Variants in ASRGL1 observed in about 807,000 individuals in gnomAD.
The protein encoded by ASRGL1 is isoaspartyl peptidase/L-asparaginase.
In ASRGL1, 16 loss-of-function variants were observed where a neutral mutation model predicts 22.4. The observed-to-expected ratio is 0.71, with a 90% CI of 0.48 to 1.08. ASRGL1 has a LOEUF of 1.08. Ranked by LOEUF, ASRGL1 falls within the 50% of genes least tolerant of loss-of-function variation. ASRGL1 has a pLI of 0.00. For synonymous variants in ASRGL1, 165 were observed against 159.3 expected (o/e 1.04, Z -0.27); for missense variants, 412 against 410.1 (o/e 1.00, Z -0.04).
chr11:62,376,312 T>C (rs980269181), intron 4 of ASRGL1, among the ~76,000 whole-genome samples: 19 of 152,158 alleles, frequency 1.2e-4, no homozygotes, highest in African/African-American at 4.3e-4. Context: ...TTGATGGTGC[T>C]CGATTGCAGT....
chr11:62,375,227 G>A (rs181677090), intron 4 of ASRGL1, among the ~76,000 whole-genome samples: 195 of 151,940 alleles, frequency 1.3e-3, no homozygotes, highest in South Asian at 4.4e-3. Flanking sequence ...ACAAAGAGTT[G>A]TGGGGGAAGG....
intron 4 of ASRGL1, among the ~76,000 whole-genome samples, chr11:62,362,423 T>G (rs960456460): frequency 3.0e-5 from 4 of 134,472 alleles, no homozygotes; most frequent in Non-Finnish European, 6.1e-5. Context: ...TAAATCTGAT[T>G]TCTATTAATA....
In ASRGL1 at chr11:62,348,567, G is replaced by C. The variant is rs565082747; in HGVS notation, c.191-7758G>C. Reference sequence around the variant, plus strand: ...AAAATACAAAAATTAGCTGGGCGTGGTGTCTCACGCCAGTAATCCCAGCTA... The same window carrying C: ...AAAATACAAAAATTAGCTGGGCGTGCTGTCTCACGCCAGTAATCCCAGCTA... On this transcript the variant is annotated intron_variant, in intron 2 of 6. Coordinates refer to ENST00000415229, the MANE Select transcript of ASRGL1 (RefSeq NM_001083926.2). 2.0e-3 allele frequency among the ~76,000 whole-genome samples: 299 copies of C among 152,158 alleles called. 2 individuals carry two copies. The highest frequency in any genetic ancestry group is 3.4e-3 in the Non-Finnish European group (232 of 67,990).
chr11:62,387,893 G>A (rs1947251602), intron 4 of ASRGL1, among the ~76,000 whole-genome samples: 1 of 152,144 alleles, frequency 6.6e-6, no homozygotes, highest in African/African-American at 2.4e-5. Flanking sequence ...ATGCTGGGGT[G>A]TTCGTGTACA....
chr11:62,340,598 C>T (rs1269527703), intron 2 of ASRGL1, among the ~76,000 whole-genome samples: 1 of 152,176 alleles, frequency 6.6e-6, no homozygotes, highest in Non-Finnish European at 1.5e-5. Flanking sequence ...CATTTTTTTG[C>T]TCTGTATCCA....
At chr11:62,347,704 G>A (rs922958068) in intron 2 of ASRGL1, among the ~76,000 whole-genome samples, 2 of 152,174 alleles carry the variant, frequency 1.3e-5, no homozygotes, top group South Asian at 4.2e-4. Flanking sequence ...CACTTTGGGA[G>A]GCTAAGGTGG....
chr11:62,390,982 C>T (rs1947322978), intron 5 of ASRGL1, among the ~76,000 whole-genome samples: 1 of 152,188 alleles, frequency 6.6e-6, no homozygotes, highest in Non-Finnish European at 1.5e-5. Context: ...ATCAAAGTAG[C>T]TTTCACTCCA....
chr11:62,345,670 C>T, intron 2 of ASRGL1, among the ~76,000 whole-genome samples: 1 of 152,224 alleles, frequency 6.6e-6, no homozygotes, highest in African/African-American at 2.4e-5. Flanking sequence ...CCTCCTCAGG[C>T]TTGATAATTT....
chr11:62,385,821 G>A (rs746343790), intron 4 of ASRGL1, among the ~76,000 whole-genome samples: 5 of 152,154 alleles, frequency 3.3e-5, no homozygotes, highest in Non-Finnish European at 7.4e-5. Context: ...CCAAGATCAC[G>A]CCATTGCACT....
chr11:62,353,625 G>A (rs375750636), intron 2 of ASRGL1, among the ~76,000 whole-genome samples: 39 of 152,192 alleles, frequency 2.6e-4, no homozygotes, highest in African/African-American at 9.4e-4. Context: ...GCACAGGTAT[G>A]AGCCACCATG....
chr11:62,367,164 G>T (rs1370243780), intron 4 of ASRGL1, among the ~76,000 whole-genome samples: 1 of 151,374 alleles, frequency 6.6e-6, no homozygotes, highest in Non-Finnish European at 1.5e-5. Context: ...CGGTGAAACC[G>T]CATCTCTACT....
Position 62,364,258 on chromosome 11 carries a change from CGTGCATGT to C in ASRGL1, c.491+7119_491+7126del, listed in dbSNP as rs1946556287. Among the ~76,000 whole-genome samples, 26 of 144,280 alleles carry C rather than the reference CGTGCATGT, an allele frequency of 1.8e-4. No individual in the cohort carries two copies. In the South Asian group the frequency reaches 5.2e-3, roughly 29 times the overall value. The allele number at this position is 144,280 out of a possible 152,430, so 94.7% of individuals were successfully genotyped here. On this transcript the variant is annotated intron_variant, in intron 4 of 6. Transcript: ENST00000415229. ...AATTTATTAAATGTGTGTGTGTGCG[CGTGCATGT>C]GTGCGTGTATGTGTGTGTGTTTGCC...
chr11:62,362,956 TCA>T (rs2134632681), intron 4 of ASRGL1, among the ~76,000 whole-genome samples: 1 of 111,220 alleles, frequency 9.0e-6, no homozygotes, highest in Non-Finnish European at 1.7e-5. Context: ...TCTTGCTGTG[TCA>T]CCCAGGCTGG....
chr11:62,345,563 G>T (rs772607592), intron 2 of ASRGL1, among the ~76,000 whole-genome samples: 3 of 151,994 alleles, frequency 2.0e-5, no homozygotes, highest in Non-Finnish European at 4.4e-5. Flanking sequence ...GCCACCACCC[G>T]TGGCCCAGCA....
chr11:62,337,857 G>A (rs1945760673), intron 1 of ASRGL1, 33 bp from the exon 2 acceptor site: 1 of 1,140,686 alleles, frequency 8.8e-7, no homozygotes, highest in Non-Finnish European at 1.2e-6. Flanking sequence ...GAACCCAGCC[G>A]TTCAGAACAG....
At position 62,356,417 on chromosome 11, in the gene ASRGL1, G is replaced by C. The variant is rs1470567438; in HGVS notation, c.283G>C (p.Val95Leu). 3.1e-6 allele frequency: 5 copies of C among 1,614,252 alleles called. No homozygotes were observed. The highest frequency in any genetic ancestry group is 4.2e-6 in the Non-Finnish European group (5 of 1,180,030). The change falls in exon 3 of 7, where the codon GTC becomes CTC. Residue 95 changes from valine (V) to leucine (L), a missense_variant. Transcript: ENST00000415229. ...CCTGTCTGCAGGAGCAGTGTCCGCAGTCCAGTGTATAGCAAATCCCATTAA... is the reference window on the plus strand; with the variant it reads ...CCTGTCTGCAGGAGCAGTGTCCGCACTCCAGTGTATAGCAAATCCCATTAA... ...KDLSAGAVSA[V>L]QCIANPIKLA... is the part of the protein sequence containing the mutation.
intron 4 of ASRGL1, among the ~76,000 whole-genome samples, chr11:62,385,012 AC>A (rs1947169356): frequency 6.8e-6 from 1 of 146,978 alleles, no homozygotes; most frequent in Non-Finnish European, 1.5e-5. Flanking sequence ...ACAGGATAGA[AC>A]ATACTTATAA....
intron 5 of ASRGL1, chr11:62,389,706 A>G (rs1947297020): frequency 3.5e-6 from 1 of 283,626 alleles, no homozygotes; most frequent in Admixed American, 4.8e-5. Flanking sequence ...GACACATTAT[A>G]GATTGAGATG....
intron 4 of ASRGL1, among the ~76,000 whole-genome samples, chr11:62,380,418 A>AT (rs552286402): frequency 1.5e-3 from 233 of 151,948 alleles, no homozygotes; most frequent in South Asian, 2.1e-3. Context: ...TGGGTCTTGG[A>AT]TTTTTTTCCC....
Sources: gnomAD v4.1 joint callset for allele counts (sites outside exome capture counted in the v4.1 genomes callset) on GRCh38, gnomAD v4.1.1 for gene constraint, MANE v1.5 for transcripts, NCBI Gene and HGNC (gene_info 2026-07-23, HGNC 2026-07-21) for gene names.